Variants in PCNX4 observed in about 807,000 individuals in gnomAD.
PCNX4 encodes pecanex 4, also known as pecanex-like protein 4.
Under a neutral mutation model 107.2 loss-of-function variants are expected in PCNX4, and 103 were observed. The ratio of observed to expected loss-of-function variants is 0.96; its 90% CI spans 0.82 to 1.13. The LOEUF is 1.13. PCNX4 is among the 50% of genes most tolerant of loss of function. The probability of loss-of-function intolerance (pLI) is 0.00; values close to 1 mark genes in which losing one functional copy is unlikely to be tolerated. For synonymous variants in PCNX4, 541 were observed against 481.7 expected (o/e 1.12, Z -1.61); for missense variants, 1,528 against 1,379.4 (o/e 1.11, Z -1.71).
chr14:60,132,628 A>G (rs1442922988), intron 10 of PCNX4, among the ~76,000 whole-genome samples: 1 of 152,134 alleles, frequency 6.6e-6, no homozygotes, highest in Non-Finnish European at 1.5e-5. Context: ...AAAAGTAAAA[A>G]CTTCTGTTCC....
rs562926909 is a variant in PCNX4 at position 60,138,251 on chromosome 14, C to CA, written c.*4031dup. ...AAAATATAGTAGAGAGTATAAGAGA[C>CA]ATAGAGTTAACTTGAGAAGATCTAA... On this transcript the variant is annotated 3_prime_UTR_variant, in exon 11 of 11. Coordinates refer to ENST00000406854, the MANE Select transcript of PCNX4 (RefSeq NM_001330177.2). The CA allele has an allele frequency of 1.3e-5, 2 of 151,980 alleles. No individual in the cohort carries two copies. The highest frequency in any genetic ancestry group is 4.2e-4 in the South Asian group (2 of 4,812). 9.4% of individuals were successfully genotyped at this position (151,980 alleles called of 1,614,324 possible). A position where few individuals can be genotyped will look rare whatever the true frequency, so the allele number is the denominator to read the frequency against.
At chr14:60,133,106 GAAAT>G (rs1485757769) in intron 10 of PCNX4, among the ~76,000 whole-genome samples, 1 of 152,060 alleles carries the variant, frequency 6.6e-6, no homozygotes, top group Non-Finnish European at 1.5e-5. Flanking sequence ...ATACCTAAGA[GAAAT>G]AAAAACATAA....
intron 10 of PCNX4, among the ~76,000 whole-genome samples, chr14:60,132,503 A>T (rs1896172443): frequency 6.6e-6 from 1 of 152,212 alleles, no homozygotes; most frequent in Non-Finnish European, 1.5e-5. Flanking sequence ...GCCATAAAAA[A>T]CTTAGAAGGA....
chr14:60,118,264 A>G (rs753777581), intron 6 of PCNX4, 65 bp from the exon 7 acceptor site: 13 of 1,462,860 alleles, frequency 8.9e-6, no homozygotes, highest in South Asian at 5.9e-5. Context: ...TCTGTCTTAT[A>G]TGATCTTGAA....
chr14:60,131,042 T>G (rs1896145911), intron 10 of PCNX4, among the ~76,000 whole-genome samples: 1 of 89,412 alleles, frequency 1.1e-5, no homozygotes, highest in Non-Finnish European at 1.9e-5. Context: ...TCTTTCTGCT[T>G]AGAACAGAAT....
chr14:60,100,190 C>T (rs1030474037), intron 1 of PCNX4, among the ~76,000 whole-genome samples: 1 of 151,976 alleles, frequency 6.6e-6, no homozygotes, highest in African/African-American at 2.4e-5. Context: ...CAAAAATGAT[C>T]ACTTCAATAG....
At chr14:60,106,753 T>G (rs1003899546) in intron 1 of PCNX4, among the ~76,000 whole-genome samples, 5 of 87,636 alleles carry the variant, frequency 5.7e-5, no homozygotes, top group South Asian at 6.5e-4. Context: ...TTAAACTGAC[T>G]GGAAGAAAGG....
chr14:60,116,008 G>C lies in PCNX4; in HGVS notation c.1526G>C (p.Ser509Thr). ...GTATCAACAGTACACTTGATCTCCA[G>C]TACAGACATATGGTGGAACAGAAGC... ...VIVSTVHLIS[S>T]TDIWWNRSLD... Residue 509 changes from serine (S) to threonine (T), a missense_variant, in exon 6 of 11, where the codon AGT becomes ACT. Transcript: ENST00000406854. The C allele has an allele frequency of 6.2e-7, 1 of 1,612,972 alleles. No individual in the cohort carries two copies. Among genetic ancestry groups the C allele is most frequent in the Non-Finnish European group, 8.5e-7 (1 of 1,179,370 alleles).
Position 60,129,498 on chromosome 14 carries a change from A to G in PCNX4, c.3267+3675A>G, listed in dbSNP as rs191184001. On this transcript the variant is annotated intron_variant, in intron 10 of 10. Transcript: ENST00000406854. The stretch of plus-strand genomic sequence containing the variant: ...TGAGCCAGGTGTTCAGGTTATAGTG[A>G]GCTATGATTGCACCACTGCACTCCA... Among the ~76,000 whole-genome samples, 29 of 152,248 alleles carry G rather than the reference A, an allele frequency of 1.9e-4. No individual in the cohort carries two copies. The East Asian group carries it at 5.4e-3, about 28-fold the overall frequency.
At chr14:60,132,689 A>G (rs187089693) in intron 10 of PCNX4, among the ~76,000 whole-genome samples, 1 of 152,242 alleles carries the variant, frequency 6.6e-6, no homozygotes, top group Admixed American at 6.5e-5. Context: ...AATGGGAAAA[A>G]TATTTGCCCA....
Position 60,114,899 on chromosome 14 carries a change from G to T in PCNX4, c.869+20G>T. On this transcript the variant is annotated intron_variant, in intron 3 of 10. Transcript: ENST00000406854. ...CTTACGGTATTTATTTTTAAATATT[G>T]ATGTTATATGTAATATTCTTAAAGA... 6.3e-7 allele frequency: 1 copy of T among 1,582,934 alleles called. No homozygotes were observed. Among genetic ancestry groups the T allele is most frequent in the Non-Finnish European group, 8.6e-7 (1 of 1,169,032 alleles).
intron 8 of PCNX4, among the ~76,000 whole-genome samples, chr14:60,123,990 C>T (rs1049634526): frequency 2.0e-5 from 3 of 151,908 alleles, no homozygotes; most frequent in Non-Finnish European, 4.4e-5. Context: ...AGTAGAATTT[C>T]CATAATATTT....
chr14:60,146,775 A>G lies in PCNX4; in HGVS notation c.*12554A>G, dbSNP rs1242675290. 6.6e-6 allele frequency: 1 copy of G among 152,218 alleles called. No homozygotes were observed. The highest frequency in any genetic ancestry group is 1.5e-5 in the Non-Finnish European group (1 of 68,032). The allele number at this position is 152,218 out of a possible 1,614,324, so 9.4% of individuals were successfully genotyped here. On this transcript the variant is annotated 3_prime_UTR_variant, in exon 11 of 11. Transcript: ENST00000406854. The surrounding 1 kb of genome is among the most constrained non-coding windows in gnomAD (Gnocchi z 4.9). ...ACTCCTGGCATTTGTGAAAACATGGATAATGAATGGACGTTAATGCTAAGT... is the reference window on the plus strand; with the variant it reads ...ACTCCTGGCATTTGTGAAAACATGGGTAATGAATGGACGTTAATGCTAAGT...
chr14:60,123,541 T>C (rs1479823210), intron 8 of PCNX4, among the ~76,000 whole-genome samples: 1 of 152,008 alleles, frequency 6.6e-6, no homozygotes, highest in Non-Finnish European at 1.5e-5. Context: ...TAATAGTAAA[T>C]AGTGACCTGA....
In PCNX4 at chr14:60,138,447, CAAAAAG is replaced by C. The variant is rs1292764579; in HGVS notation, c.*4231_*4236del. ...GCACATCCTAAGAAAAAATAAAACA[CAAAAAG>C]AAAATCATTAAAGGAGCCAGACAAT... On this transcript the variant is annotated 3_prime_UTR_variant, in exon 11 of 11. Transcript: ENST00000406854. 1 of 151,888 alleles carries C rather than the reference CAAAAAG, an allele frequency of 6.6e-6. No homozygotes were observed. The highest frequency in any genetic ancestry group is 1.5e-5 in the Non-Finnish European group (1 of 67,934). 9.4% of individuals were successfully genotyped at this position (151,888 alleles called of 1,614,324 possible).
In PCNX4 at chr14:60,124,542, G is replaced by T. The variant is rs762450999; in HGVS notation, c.2371G>T (p.Ala791Ser). ...TCACAACACTGAAAATAAAGGGAAA[G>T]CACCTCTAATGTTGCCTGCTTTGAA... ...NVHNTENKGKAPLMLPALNTL... is the reference protein window; with the variant it reads ...NVHNTENKGKSPLMLPALNTL... Residue 791 changes from alanine to serine, a missense_variant, in exon 9 of 11, where the codon GCA becomes TCA. Physicochemically the swap from Ala to Ser is moderately conservative, Grantham distance 99. Transcript: ENST00000406854. 4 of 1,613,760 alleles carry T rather than the reference G, an allele frequency of 2.5e-6. No homozygotes were observed. The East Asian group carries it at 8.9e-5, about 36-fold the overall frequency.
Position 60,144,842 on chromosome 14 carries a change from A to G in PCNX4, c.*10621A>G. 2.5e-6 allele frequency: 2 copies of G among 814,166 alleles called. No individual in the cohort carries two copies. Among genetic ancestry groups the G allele is most frequent in the South Asian group, 3.2e-5 (2 of 62,626 alleles). 50.4% of individuals were successfully genotyped at this position (814,166 alleles called of 1,614,324 possible). A position where few individuals can be genotyped will look rare whatever the true frequency, so the allele number is the denominator to read the frequency against. On this transcript the variant is annotated 3_prime_UTR_variant, in exon 11 of 11. Transcript: ENST00000406854. The stretch of plus-strand genomic sequence containing the variant: ...TTTATTTCATTCCATGTTGGAAGCA[A>G]AGTCATATCTATTAAAAAGTAAAAT...
rs763919036 is a variant in PCNX4 at position 60,115,972 on chromosome 14, A to C, written c.1490A>C (p.Glu497Ala). 1 of 1,612,142 alleles carries C rather than the reference A, an allele frequency of 6.2e-7. No homozygotes were observed. ...VWQNTENALL[E>A]TVIVSTVHLI... The stretch of plus-strand genomic sequence containing the variant: ...CAGAATACAGAAAATGCTTTATTGG[A>C]GACAGTCATTGTATCAACAGTACAC... The change falls in exon 6 of 11, where the codon GAG becomes GCG. Residue 497 changes from glutamate to alanine, a missense_variant. Coordinates refer to ENST00000406854, the MANE Select transcript of PCNX4 (RefSeq NM_001330177.2).
Position 60,115,545 on chromosome 14 carries a change from G to A in PCNX4, c.1357+84G>A, listed in dbSNP as rs1313052812. 5.5e-6 allele frequency: 8 copies of A among 1,442,060 alleles called. No individual in the cohort carries two copies. The South Asian group carries it at 8.5e-5, about 15-fold the overall frequency. The allele number at this position is 1,442,060 out of a possible 1,614,324, so 89.3% of individuals were successfully genotyped here. A position where few individuals can be genotyped will look rare whatever the true frequency, so the allele number is the denominator to read the frequency against. On this transcript the variant is annotated intron_variant, in intron 4 of 10. Coordinates refer to ENST00000406854, the MANE Select transcript of PCNX4 (RefSeq NM_001330177.2). ...AATATTACTCAATTCCCATATTTGTGTGGTATTATACCATATACAAGTGTT... is the reference window on the plus strand; with the variant it reads ...AATATTACTCAATTCCCATATTTGTATGGTATTATACCATATACAAGTGTT...
Sources: allele counts gnomAD v4.1 joint callset (sites outside exome capture counted in the v4.1 genomes callset), GRCh38; gene constraint gnomAD v4.1.1; non-coding constraint Gnocchi (gnomAD v3.1); transcripts MANE v1.5; gene names NCBI Gene and HGNC (gene_info 2026-07-23, HGNC 2026-07-21).